Variants in DMXL2 observed in about 807,000 individuals in gnomAD.
The protein encoded by DMXL2 is dmX-like protein 2.
DMXL2 carries 103 observed loss-of-function variants against 331.1 expected under a neutral mutation model. The ratio of observed to expected loss-of-function variants is 0.31; its 90% CI spans 0.27 to 0.37. The LOEUF is 0.37. Among genes scored for constraint, DMXL2 ranks in the 10% least tolerant of loss-of-function variants. The pLI, the probability that DMXL2 is intolerant of heterozygous loss-of-function variation, is 1.00. For synonymous variants in DMXL2, 1,281 were observed against 1,252.1 expected (o/e 1.02, Z -0.49); for missense variants, 3,171 against 3,642.9 (o/e 0.87, Z 3.33).
chr15:51,499,763 A>C lies in DMXL2; in HGVS notation c.3461T>G (p.Leu1154Arg). 6.2e-7 allele frequency: 1 copy of C among 1,614,150 alleles called. No homozygotes were observed. The highest frequency in any genetic ancestry group is 2.2e-5 in the East Asian group (1 of 44,878). The part of the protein sequence containing the change: ...NLFVYSKSDA[L>R]LSKDRYLIPN... Reference sequence around the variant, plus strand: ...AATAAGATATCTATCCTTGCTCAAGAGTGCATCTGACTTGCTATACACAAA... The same window carrying C: ...AATAAGATATCTATCCTTGCTCAAGCGTGCATCTGACTTGCTATACACAAA... The change falls in exon 18 of 44, where the codon CTC (leucine) becomes CGC (arginine). Residue 1154 changes from leucine (L) to arginine (R), a missense_variant. By Grantham distance (102) the Leu-to-Arg change is moderately radical (BLOSUM62 -2). Transcript: ENST00000560891.
At chr15:51,501,260 T>C (rs1668757908) in intron 17 of DMXL2, among the ~76,000 whole-genome samples, 1 of 152,166 alleles carries the variant, frequency 6.6e-6, no homozygotes, top group Non-Finnish European at 1.5e-5. Flanking sequence ...TCACCAGTAA[T>C]TTTAGCGGCC....
intron 1 of DMXL2, among the ~76,000 whole-genome samples, chr15:51,610,966 T>A (rs1302566566): frequency 1.3e-5 from 2 of 152,122 alleles, no homozygotes; most frequent in African/African-American, 4.8e-5. Flanking sequence ...TAAAAACAGC[T>A]TTGTAGAATG....
Position 51,499,248 on chromosome 15 carries a change from T to C in DMXL2, c.3976A>G (p.Thr1326Ala), listed in dbSNP as rs1014186205. ...AATAAGCCACCATCTTGAATTACAG[T>C]TGGTGAACAAAAAACATCATCAGAA... ...AISDDVFCSP[T>A]VIQDGGLFEA... Residue 1326 changes from threonine to alanine, a missense_variant, in exon 18 of 44, where the codon ACT becomes GCT. Around this residue, in one of 7 missense-constraint regions of DMXL2, gnomAD observed 1,674 missense variants for 1,780.2 expected, o/e 0.94. Transcript: ENST00000560891. The C allele has an allele frequency of 6.2e-7, 1 of 1,613,838 alleles. No individual in the cohort carries two copies. Among genetic ancestry groups the C allele is most frequent in the Non-Finnish European group, 8.5e-7 (1 of 1,180,032 alleles).
At chr15:51,585,607 TG>T (rs1222461206) in intron 1 of DMXL2, among the ~76,000 whole-genome samples, 1 of 152,086 alleles carries the variant, frequency 6.6e-6, no homozygotes, top group Admixed American at 6.5e-5. Context: ...GCTGGATCAG[TG>T]ATTAAAATTA....
At chr15:51,549,367 TG>T (rs1224134922) in intron 6 of DMXL2, among the ~76,000 whole-genome samples, 1 of 152,146 alleles carries the variant, frequency 6.6e-6, no homozygotes, top group Non-Finnish European at 1.5e-5. Flanking sequence ...CATTGACTGA[TG>T]GGCATTTGGG....
At chr15:51,563,229 C>A in intron 6 of DMXL2, 152 bp downstream of exon 6, 1 of 646,642 alleles carries the variant, frequency 1.5e-6, no homozygotes, top group Middle Eastern at 4.2e-4. Context: ...AATACCAGGT[C>A]TTTTACAAAC....
intron 22 of DMXL2, among the ~76,000 whole-genome samples, chr15:51,486,832 A>C (rs1331422058): frequency 6.6e-6 from 1 of 152,180 alleles, no homozygotes; most frequent in African/African-American, 2.4e-5. Flanking sequence ...TCATTTAGGC[A>C]ATATGAGCAT....
intron 19 of DMXL2, among the ~76,000 whole-genome samples, chr15:51,493,834 T>C (rs753890068): frequency 2.0e-5 from 3 of 152,224 alleles, no homozygotes; most frequent in Admixed American, 1.3e-4. Flanking sequence ...CCAAATGGCA[T>C]AGATTGCTTA....
At chr15:51,533,420 T>A (rs1201155581) in intron 13 of DMXL2, among the ~76,000 whole-genome samples, 1 of 152,026 alleles carries the variant, frequency 6.6e-6, no homozygotes, top group African/African-American at 2.4e-5. Context: ...AACAAAACAC[T>A]GAGTATAATG....
At chr15:51,608,566 G>C (rs1394057914) in intron 1 of DMXL2, among the ~76,000 whole-genome samples, 1 of 152,144 alleles carries the variant, frequency 6.6e-6, no homozygotes, top group African/African-American at 2.4e-5. Context: ...TGGACACAAA[G>C]AAGGGAACAA....
intron 1 of DMXL2, among the ~76,000 whole-genome samples, chr15:51,609,612 CT>C (rs1035244760): frequency 1.3e-5 from 2 of 152,118 alleles, no homozygotes; most frequent in African/African-American, 4.8e-5. Context: ...ACCATATAGC[CT>C]AGATATGTTC....
In DMXL2 at chr15:51,576,066, T is replaced by G; in HGVS notation, c.203A>C (p.Gln68Pro). The G allele has an allele frequency of 6.2e-7, 1 of 1,606,104 alleles. No homozygotes were observed. Among genetic ancestry groups the G allele is most frequent in the African/African-American group, 1.3e-5 (1 of 74,516 alleles). Residue 68 changes from glutamine (Q) to proline (P), a missense_variant, in exon 2 of 44, where the codon CAA (glutamine) becomes CCA (proline). By Grantham distance (76) the Gln-to-Pro change is moderately conservative. This residue lies in a region of DMXL2 where 1,674 missense variants were observed against 1,780.2 expected (regional missense o/e 0.94). Transcript: ENST00000560891. ...IQVSCVECSN[Q>P]QGRIAASYGN... The stretch of plus-strand genomic sequence containing the variant: ...AATTAAATCCCTTACTCTTCCTTGT[T>G]GGTTAGAACACTCCACACAGCTGAC...
chr15:51,459,865 A>G, intron 33 of DMXL2: 1 of 1,153,588 alleles, frequency 8.7e-7, no homozygotes, highest in Non-Finnish European at 1.1e-6. Context: ...TAATGTGACT[A>G]TTACATAAAC....
At chr15:51,496,237 A>G (rs978541636) in intron 18 of DMXL2, among the ~76,000 whole-genome samples, 5 of 152,110 alleles carry the variant, frequency 3.3e-5, no homozygotes, top group African/African-American at 1.2e-4. Context: ...CAAAGTCCCT[A>G]CTCTCTTGGG....
chr15:51,456,431 C>A (rs1595882501), intron 37 of DMXL2, 62 bp from the exon 38 acceptor site: 5 of 997,570 alleles, frequency 5.0e-6, no homozygotes, highest in East Asian at 2.5e-5. Flanking sequence ...GAAGGATATG[C>A]TTCAGGATAA....
chr15:51,520,679 A>G (rs541632342), intron 13 of DMXL2, among the ~76,000 whole-genome samples: 1 of 152,268 alleles, frequency 6.6e-6, no homozygotes, highest in African/African-American at 2.4e-5. Flanking sequence ...CAACATGGTG[A>G]AACCCTGTAT....
chr15:51,600,718 A>C (rs2053166447), intron 1 of DMXL2, among the ~76,000 whole-genome samples: 1 of 152,186 alleles, frequency 6.6e-6, no homozygotes. Context: ...TGGTCAAATA[A>C]ACTGGACACG....
Position 51,622,554 on chromosome 15 carries a change from C to A in DMXL2, c.-9G>T. Reference sequence around the variant, plus strand: ...ACCTGATGCAGATGCATCTCCGGAGCCCGGGCTGGACAGAATGCGCGGGAG... The same window carrying A: ...ACCTGATGCAGATGCATCTCCGGAGACCGGGCTGGACAGAATGCGCGGGAG... On this transcript the variant is annotated 5_prime_UTR_variant, in exon 1 of 44. Transcript: ENST00000560891. 10 of 1,550,350 alleles carry A rather than the reference C, an allele frequency of 6.5e-6. No homozygotes were observed. Among genetic ancestry groups the A allele is most frequent in the Non-Finnish European group, 8.7e-6 (10 of 1,146,232 alleles).
chr15:51,502,883 A>T lies in DMXL2; in HGVS notation c.2915T>A (p.Leu972Gln). 6.2e-7 allele frequency: 1 copy of T among 1,614,152 alleles called. No homozygotes were observed. ...ANLQTASKLI[L>Q]SSRLVYSQPL... ...TTGGCTATACACCAGTCTAGAACTC[A>T]GAATAAGTTTACTGGCAGTTTGAAG... Residue 972 changes from leucine (L) to glutamine (Q), a missense_variant, in exon 17 of 44, where the codon CTG (leucine) becomes CAG (glutamine). Leu to Gln is a moderately radical substitution (Grantham distance 113). Around this residue, in one of 7 missense-constraint regions of DMXL2, gnomAD observed 1,674 missense variants for 1,780.2 expected, o/e 0.94. Transcript: ENST00000560891.
Sources: gnomAD v4.1 joint callset for allele counts (sites outside exome capture counted in the v4.1 genomes callset) on GRCh38, gnomAD v4.1.1 for gene constraint, gnomAD v4.1.1 regional missense constraint, MANE v1.5 for transcripts, NCBI Gene and HGNC (gene_info 2026-07-23, HGNC 2026-07-21) for gene names.